LACTB2: variants seen among roughly 807,000 people sequenced by gnomAD.
LACTB2 encodes the protein lactamase beta 2.
LACTB2 carries 32 observed loss-of-function variants against 34.8 expected under a neutral mutation model. The ratio of observed to expected loss-of-function variants is 0.92; its 90% CI spans 0.69 to 1.24. The LOEUF (loss-of-function observed/expected upper bound fraction) is 1.24. Among genes scored for constraint, LACTB2 ranks in the 50% most tolerant of loss-of-function variants. LACTB2 has a pLI of 0.00. For missense variants in LACTB2, 320 were observed against 345.0 expected (o/e 0.93, Z 0.57); for synonymous variants, 120 against 117.5 (o/e 1.02, Z -0.14).
intron 1 of LACTB2, among the ~76,000 whole-genome samples, chr8:70,668,383 C>A (rs982529061): frequency 6.6e-6 from 1 of 152,178 alleles, no homozygotes; most frequent in Non-Finnish European, 1.5e-5. Flanking sequence ...GCAAAAGTAT[C>A]TTCTTAGAAA....
At chr8:70,641,958 G>A (rs1383774231) in intron 4 of LACTB2, among the ~76,000 whole-genome samples, 1 of 152,154 alleles carries the variant, frequency 6.6e-6, no homozygotes, top group Admixed American at 6.5e-5. Flanking sequence ...GCTGTGTGGT[G>A]AGGAAACCAC....
intron 3 of LACTB2, among the ~76,000 whole-genome samples, chr8:70,657,206 C>T (rs1157927887): frequency 6.6e-6 from 1 of 152,096 alleles, no homozygotes; most frequent in East Asian, 1.9e-4. Context: ...CCTAAGCCTC[C>T]TTGGGAGACA....
At chr8:70,657,093 T>G (rs1281382517) in intron 3 of LACTB2, among the ~76,000 whole-genome samples, 1 of 152,152 alleles carries the variant, frequency 6.6e-6, no homozygotes, top group Non-Finnish European at 1.5e-5. Flanking sequence ...AGATAGGTCA[T>G]GAGGTATGAT....
intron 3 of LACTB2, 29 bp downstream of exon 3, chr8:70,657,727 C>T: frequency 6.3e-7 from 1 of 1,591,514 alleles, no homozygotes; most frequent in Non-Finnish European, 8.6e-7. Flanking sequence ...AGACTCTTCA[C>T]CTTCCCTGGC....
chr8:70,666,237 G>A (rs1818531819), intron 1 of LACTB2, among the ~76,000 whole-genome samples: 1 of 152,200 alleles, frequency 6.6e-6, no homozygotes, highest in African/African-American at 2.4e-5. Flanking sequence ...AGTGGGGTAT[G>A]AAGGTGTGGA....
At chr8:70,653,650 T>C (rs1050215421) in intron 3 of LACTB2, 3 of 152,220 alleles carry the variant, frequency 2.0e-5, no homozygotes, top group African/African-American at 7.2e-5. Flanking sequence ...AGAGAATGGC[T>C]ATCTAGTTAC....
intron 3 of LACTB2, among the ~76,000 whole-genome samples, chr8:70,645,135 A>G (rs577380974): frequency 6.6e-6 from 1 of 152,088 alleles, no homozygotes; most frequent in African/African-American, 2.4e-5. Flanking sequence ...AGGTCTTGTT[A>G]TGTTTTCCAA....
intron 3 of LACTB2, among the ~76,000 whole-genome samples, chr8:70,653,526 T>C (rs2132075668): frequency 6.6e-6 from 1 of 152,338 alleles, no homozygotes; most frequent in Non-Finnish European, 1.5e-5. Flanking sequence ...CTCTTACTCA[T>C]CTGTTTGTCT....
At chr8:70,664,292 C>T (rs1471086380) in intron 1 of LACTB2, among the ~76,000 whole-genome samples, 2 of 152,172 alleles carry the variant, frequency 1.3e-5, no homozygotes, top group African/African-American at 4.8e-5. Flanking sequence ...TGAAATATCT[C>T]CTAATCTAAA....
At position 70,668,926 on chromosome 8, in the gene LACTB2, C is replaced by T. The variant is rs917733238; in HGVS notation, c.122+73G>A. 6.5e-6 allele frequency: 10 copies of T among 1,537,340 alleles called. No homozygotes were observed. In the African/African-American group the frequency reaches 1.4e-4, roughly 21 times the overall value. ...GACGCGGCGCTCTCCACTGCCCGCGCAGCCGCGATCAGTCAAAGCCCGGGC... is the reference window on the plus strand; with the variant it reads ...GACGCGGCGCTCTCCACTGCCCGCGTAGCCGCGATCAGTCAAAGCCCGGGC... On this transcript the variant is annotated intron_variant, in intron 1 of 6. Coordinates refer to ENST00000276590, the MANE Select transcript of LACTB2 (RefSeq NM_016027.3).
intron 5 of LACTB2, 96 bp downstream of exon 5, chr8:70,640,806 C>T (rs1240163236): frequency 7.8e-7 from 1 of 1,280,208 alleles, no homozygotes; most frequent in East Asian, 3.0e-5. Context: ...GGCGTAACTT[C>T]TGATCTGGGA....
intron 2 of LACTB2, chr8:70,660,216 G>A (rs1000834065): frequency 1.0e-5 from 2 of 198,080 alleles, no homozygotes; most frequent in African/African-American, 4.8e-5. Flanking sequence ...AGTCTCCTGA[G>A]TGGATGGGAT....
intron 3 of LACTB2, among the ~76,000 whole-genome samples, chr8:70,653,376 T>C (rs1161795970): frequency 6.6e-6 from 1 of 152,062 alleles, no homozygotes; most frequent in Non-Finnish European, 1.5e-5. Context: ...ATTACAGGTG[T>C]GAGCCACCGC....
chr8:70,643,491 G>C (rs1012694587), intron 4 of LACTB2, among the ~76,000 whole-genome samples: 9 of 150,142 alleles, frequency 6.0e-5, no homozygotes, highest in African/African-American at 2.2e-4. Context: ...TCAAAGAGGG[G>C]TATATTTTAA....
At position 70,655,523 on chromosome 8, in the gene LACTB2, C is replaced by T. The variant is rs139011421; in HGVS notation, c.413+2233G>A. On this transcript the variant is annotated intron_variant, in intron 3 of 6. Coordinates refer to ENST00000276590, the MANE Select transcript of LACTB2 (RefSeq NM_016027.3). ...AGGTGTGAGCCACCATGCCTGGCCC[C>T]GTAATTCATTCCTTTTTATGGCTGA... 1.4e-4 allele frequency among the ~76,000 whole-genome samples: 21 copies of T among 152,048 alleles called. No homozygotes were observed. The East Asian group carries it at 3.9e-3, about 28-fold the overall frequency.
intron 1 of LACTB2, among the ~76,000 whole-genome samples, chr8:70,668,704 G>A (rs1818571612): frequency 6.6e-6 from 1 of 150,902 alleles, no homozygotes; most frequent in African/African-American, 2.5e-5. Flanking sequence ...CGCACACCCT[G>A]GCATTCAAAC....
At chr8:70,660,649 GGCCTTCCT>G (rs1818470029) in intron 2 of LACTB2, 1 of 456,258 alleles carries the variant, frequency 2.2e-6, no homozygotes, top group African/African-American at 2.0e-5. Flanking sequence ...TTTGCCTGCA[GGCCTTCCT>G]GCCAGGAGCT....
In LACTB2 at chr8:70,669,008, G is replaced by T. The variant is rs1184565628; in HGVS notation, c.113C>A (p.Thr38Asn). The change falls in exon 1 of 7, where the codon ACC becomes AAC. Residue 38 changes from threonine to asparagine, a missense_variant. Physicochemically the swap from Thr to Asn is moderately conservative, Grantham distance 65. Coordinates refer to ENST00000276590, the MANE Select transcript of LACTB2 (RefSeq NM_016027.3). Reference protein sequence around the residue: ...LQGTNTYLVGTGPRRILIDTG... With the variant: ...LQGTNTYLVGNGPRRILIDTG... Reference sequence around the variant, plus strand: ...GGAGAGGGACGTTTACCTGGGGCCGGTCCCCACTAGGTAGGTGTTGGTGCC... The same window carrying T: ...GGAGAGGGACGTTTACCTGGGGCCGTTCCCCACTAGGTAGGTGTTGGTGCC... 6.3e-7 allele frequency: 1 copy of T among 1,591,372 alleles called. No homozygotes were observed. Among genetic ancestry groups the T allele is most frequent in the African/African-American group, 1.3e-5 (1 of 74,618 alleles).
chr8:70,638,669 TA>T (rs376185421), intron 5 of LACTB2, 40 bp from the exon 6 acceptor site: 2 of 1,339,772 alleles, frequency 1.5e-6, no homozygotes, highest in Admixed American at 3.0e-5. Context: ...CCTTTTTTTT[TA>T]AAAAAAAGAA....
Sources: allele counts gnomAD v4.1 joint callset (sites outside exome capture counted in the v4.1 genomes callset), GRCh38; gene constraint gnomAD v4.1.1; transcripts MANE v1.5; gene names NCBI Gene and HGNC (gene_info 2026-07-23, HGNC 2026-07-21).